Variants in FAM161B observed in about 807,000 individuals in gnomAD.
FAM161B encodes the protein protein FAM161B.
In FAM161B, 46 loss-of-function variants were observed where a neutral mutation model predicts 61.5. The observed-to-expected ratio is 0.75, with a 90% confidence interval of 0.59 to 0.96. FAM161B has a LOEUF of 0.96. Ranked by LOEUF, FAM161B falls within the 40% of genes least tolerant of loss-of-function variation. FAM161B has a pLI of 0.00. For synonymous variants in FAM161B, 284 were observed against 302.7 expected, an observed-to-expected ratio of 0.94 and a Z score of 0.64; for missense variants, 774 against 800.7, an observed-to-expected ratio of 0.97 and a Z score of 0.40.
chr14:73,931,063 G>A (rs779217990), downstream of FAM161B, among the ~76,000 whole-genome samples: 1 of 152,138 alleles, frequency 6.6e-6, no homozygotes, highest in Non-Finnish European at 1.5e-5. Flanking sequence ...GATCTTTTAT[G>A]AGTGGGTTTC....
chr14:73,942,628 T>G lies in FAM161B; in HGVS notation c.1013A>C (p.Asn338Thr). 6.2e-7 allele frequency: 1 copy of G among 1,614,128 alleles called. No homozygotes were observed. The highest frequency in any genetic ancestry group is 8.5e-7 in the Non-Finnish European group (1 of 1,180,018). ...TGTGCGGGGCTGTGGGTTAGCCCGG[T>G]TACTAGAGGAGGCGATAGGGGAAGA... Reference protein sequence around the residue: ...MASSPIASSSNRANPQPRTAT... With the variant: ...MASSPIASSSTRANPQPRTAT... The change falls in exon 4 of 9, where the codon AAC becomes ACC. Residue 338 changes from asparagine (N) to threonine (T), a missense_variant. Asn to Thr is a moderately conservative substitution (Grantham distance 65, BLOSUM62 0). Coordinates refer to ENST00000286544, the MANE Select transcript of FAM161B (RefSeq NM_152445.3).
In FAM161B at chr14:73,944,735, G is replaced by T; in HGVS notation, c.525C>A (p.Phe175Leu). ...TCCGGGCCTCGCGCAGCGTCATGCGGAATGGCCGAGGGACAGTAATGGATG... is the reference window on the plus strand; with the variant it reads ...TCCGGGCCTCGCGCAGCGTCATGCGTAATGGCCGAGGGACAGTAATGGATG... The part of the protein sequence containing the change: ...WASSITVPRP[F>L]RMTLREARKK... The change falls in exon 3 of 9, where the codon TTC becomes TTA. Residue 175 changes from phenylalanine (F) to leucine (L), a missense_variant. By Grantham distance (22) the Phe-to-Leu change is conservative (BLOSUM62 0). Coordinates refer to ENST00000286544, the MANE Select transcript of FAM161B (RefSeq NM_152445.3). 6.2e-7 allele frequency: 1 copy of T among 1,601,178 alleles called. No individual in the cohort carries two copies. The highest frequency in any genetic ancestry group is 1.7e-5 in the Admixed American group (1 of 59,276).
chr14:73,949,719 AGAC>A (rs983339707), intron 1 of FAM161B, among the ~76,000 whole-genome samples: 2 of 152,230 alleles, frequency 1.3e-5, no homozygotes, highest in East Asian at 1.9e-4. Context: ...TACAAAAATG[AGAC>A]GACAATTGTA....
chr14:73,936,729 G>T (rs964537714), intron 7 of FAM161B, among the ~76,000 whole-genome samples: 11 of 152,206 alleles, frequency 7.2e-5, no homozygotes, highest in Non-Finnish European at 1.6e-4. Flanking sequence ...AAGACCATGT[G>T]TGCTTATGTG....
chr14:73,941,515 C>G (rs1161853102), intron 4 of FAM161B, among the ~76,000 whole-genome samples: 1 of 152,086 alleles, frequency 6.6e-6, no homozygotes, highest in Non-Finnish European at 1.5e-5. Context: ...ATAAAGAGAT[C>G]TCAAGTTTCA....
chr14:73,928,881 C>G (rs970272843), downstream of FAM161B, among the ~76,000 whole-genome samples: 1 of 152,014 alleles, frequency 6.6e-6, no homozygotes. Flanking sequence ...CCCAGGAGTT[C>G]GAGGCTGCAG....
rs770051844 is a variant in FAM161B, at chr14:73,933,929, C to T, written c.*327G>A. The T allele has an allele frequency of 1.5e-5, 3 of 206,510 alleles. No homozygotes were observed. Among genetic ancestry groups the T allele is most frequent in the African/African-American group, 2.4e-5 (1 of 42,422 alleles). 12.8% of individuals were successfully genotyped at this position (206,510 alleles called of 1,614,324 possible). A position where few individuals can be genotyped will look rare whatever the true frequency, so the allele number is the denominator to read the frequency against. ...CTCTGCCTCTTGGGTTCAAGTGATT[C>T]TCCTGCCTCAGCTTCCCAAGTAGCT... On this transcript the variant is annotated 3_prime_UTR_variant, in exon 9 of 9. Coordinates refer to ENST00000286544, the MANE Select transcript of FAM161B (RefSeq NM_152445.3).
At chr14:73,931,454 C>T, downstream of FAM161B, 1 of 1,512,730 alleles carries the variant, frequency 6.6e-7, no homozygotes, top group Non-Finnish European at 9.2e-7. Flanking sequence ...ATTATTTTTT[C>T]TATAATTCAA....
chr14:73,934,448 G>C, intron 8 of FAM161B, 54 bp from the exon 9 acceptor site: 2 of 1,541,640 alleles, frequency 1.3e-6, no homozygotes, highest in South Asian at 2.4e-5. Flanking sequence ...TTCAGACAGG[G>C]TCTCACTCTC....
At chr14:73,943,022 TAC>T (rs971948814) in intron 3 of FAM161B, among the ~76,000 whole-genome samples, 1 of 152,060 alleles carries the variant, frequency 6.6e-6, no homozygotes, top group Non-Finnish European at 1.5e-5. Flanking sequence ...AGTGACCATC[TAC>T]ACTTACTGAG....
rs776441232 is a variant in FAM161B at position 73,942,604 on chromosome 14, G to C, written c.1037C>G (p.Thr346Arg). The change falls in exon 4 of 9, where the codon ACA becomes AGA. Residue 346 changes from threonine (T) to arginine (R), a missense_variant. Physicochemically the swap from Thr to Arg is moderately conservative, Grantham distance 71. Coordinates refer to ENST00000286544, the MANE Select transcript of FAM161B (RefSeq NM_152445.3). ...CTTTTCCTGCTGGGTTCGGGTGGCT[G>C]TGCGGGGCTGTGGGTTAGCCCGGTT... ...SSNRANPQPRTATRTQQEKLG... is the reference protein window; with the variant it reads ...SSNRANPQPRRATRTQQEKLG... The C allele has an allele frequency of 3.7e-6, 6 of 1,614,232 alleles. No individual in the cohort carries two copies. Among genetic ancestry groups the C allele is most frequent in the Non-Finnish European group, 5.1e-6 (6 of 1,180,034 alleles).
chr14:73,935,259 C>T (rs1338954318), intron 8 of FAM161B, among the ~76,000 whole-genome samples: 1 of 151,294 alleles, frequency 6.6e-6, no homozygotes, highest in East Asian at 2.0e-4. Flanking sequence ...CGGGCGCGGT[C>T]ACTCACGCCT....
rs2056045001 is a variant in FAM161B at position 73,944,375 on chromosome 14, GGGA to G, written c.882_884del (p.Pro295del). On this transcript the variant is annotated inframe_deletion, in exon 3 of 9. Coordinates refer to ENST00000286544, the MANE Select transcript of FAM161B (RefSeq NM_152445.3). ...CAAGGGCTGGCTCCAGAATGGACTTGGGAATCCTTCTGGTGGCCTTCTGCTTGG... is the reference window on the plus strand; with the variant it reads ...CAAGGGCTGGCTCCAGAATGGACTTGATCCTTCTGGTGGCCTTCTGCTTGG... 2 of 1,602,766 alleles carry G rather than the reference GGGA, an allele frequency of 1.2e-6. No homozygotes were observed. Among genetic ancestry groups the G allele is most frequent in the East Asian group, 4.5e-5 (2 of 44,518 alleles).
At chr14:73,929,295 A>T (rs1190192519), downstream of FAM161B, among the ~76,000 whole-genome samples, 1 of 151,962 alleles carries the variant, frequency 6.6e-6, no homozygotes, top group East Asian at 1.9e-4. Context: ...TCAGGGTTCC[A>T]GGCTTAGGCC....
the FAM161B span, chr14:73,923,642 C>G: frequency 7.5e-7 from 1 of 1,340,810 alleles, no homozygotes; most frequent in East Asian, 2.4e-5. Context: ...CGAATATTTT[C>G]CTTTAAATTA....
chr14:73,945,769 T>C (rs556854571), intron 2 of FAM161B, among the ~76,000 whole-genome samples: 2 of 151,468 alleles, frequency 1.3e-5, no homozygotes, highest in Non-Finnish European at 2.9e-5. Context: ...TGAGACAGAG[T>C]CTTGCTCTGT....
chr14:73,946,744 C>G, intron 1 of FAM161B, 139 bp from the exon 2 acceptor site: 1 of 802,968 alleles, frequency 1.2e-6, no homozygotes, highest in South Asian at 1.8e-5. Flanking sequence ...CACTGGCTCA[C>G]ACCTGTAATC....
At chr14:73,931,629 C>A, downstream of FAM161B, 3 of 1,227,978 alleles carry the variant, frequency 2.4e-6, no homozygotes, top group South Asian at 1.3e-5. Flanking sequence ...ACAACAGAAC[C>A]AGAATGAATC....
chr14:73,927,850 A>ATTTTTTT (rs769693607), downstream of FAM161B: 4 of 135,244 alleles, frequency 3.0e-5, no homozygotes, highest in Non-Finnish European at 3.1e-5. Flanking sequence ...TTTTTTTTTA[A>ATTTTTTT]TTTTTTAGAC....
Sources: gnomAD v4.1 joint callset for allele counts (sites outside exome capture counted in the v4.1 genomes callset) on GRCh38, gnomAD v4.1.1 for gene constraint, MANE v1.5 for transcripts, NCBI Gene and HGNC (gene_info 2026-07-23, HGNC 2026-07-21) for gene names.